Variants in FRMD3 observed in about 807,000 individuals in gnomAD.
The protein encoded by FRMD3 is FERM domain-containing protein 3.
FRMD3 carries 33 observed loss-of-function variants against 70.2 expected under a neutral mutation model. The ratio of observed to expected loss-of-function variants is 0.47; its 90% CI spans 0.36 to 0.63. FRMD3 has a LOEUF of 0.63. FRMD3 is among the 20% of genes least tolerant of loss of function. FRMD3 has a pLI of 0.00. For synonymous variants in FRMD3, 279 were observed against 255.9 expected (o/e 1.09, Z -0.86); for missense variants, 632 against 711.4 (o/e 0.89, Z 1.27).
At chr9:83,484,294 T>G (rs1056072975) in intron 1 of FRMD3, among the ~76,000 whole-genome samples, 3 of 152,232 alleles carry the variant, frequency 2.0e-5, no homozygotes, top group African/African-American at 7.2e-5. Context: ...ATACAACATA[T>G]GTACTAGAAT....
At chr9:83,341,684 A>G (rs963056430) in intron 5 of FRMD3, among the ~76,000 whole-genome samples, 1 of 152,084 alleles carries the variant, frequency 6.6e-6, no homozygotes, top group African/African-American at 2.4e-5. Context: ...CCATTACAGT[A>G]TCAACCATAG....
At chr9:83,507,558 T>A (rs28428924) in intron 1 of FRMD3, among the ~76,000 whole-genome samples, 13,595 of 146,704 alleles carry the variant, frequency 0.093, 739 homozygotes, top group African/African-American at 0.14. Flanking sequence ...TAGTCCCAGT[T>A]ACTTGGGAGG....
intron 1 of FRMD3, among the ~76,000 whole-genome samples, chr9:83,464,395 C>G (rs907727214): frequency 4.6e-5 from 7 of 152,138 alleles, no homozygotes; most frequent in African/African-American, 1.7e-4. Context: ...CCCAAGGGGG[C>G]CAGCTAGGTT....
intron 1 of FRMD3, among the ~76,000 whole-genome samples, chr9:83,507,471 T>C (rs1221820849): frequency 6.8e-6 from 1 of 146,448 alleles, no homozygotes. Flanking sequence ...ATCGAGACCA[T>C]CCTGGCTAAC....
At chr9:83,449,104 C>A (rs76455438) in intron 1 of FRMD3, among the ~76,000 whole-genome samples, 16,709 of 152,144 alleles carry the variant, frequency 0.11, 948 homozygotes, top group East Asian at 0.15. Flanking sequence ...ACTGGAGGCT[C>A]TCAGGGGCCA....
chr9:83,483,949 T>C (rs1036804386), intron 1 of FRMD3, among the ~76,000 whole-genome samples: 2 of 152,218 alleles, frequency 1.3e-5, no homozygotes, highest in African/African-American at 4.8e-5. Context: ...GAAAAGTGTT[T>C]CAAGAAAAGC....
chr9:83,370,366 A>G (rs1032651634), intron 3 of FRMD3, among the ~76,000 whole-genome samples: 1 of 152,208 alleles, frequency 6.6e-6, no homozygotes, highest in Non-Finnish European at 1.5e-5. Flanking sequence ...GACATCATCA[A>G]CAACAACAAT....
the FRMD3 span, among the ~76,000 whole-genome samples, chr9:83,582,116 C>G: frequency 3.3e-5 from 5 of 152,028 alleles, no homozygotes; most frequent in Non-Finnish European, 5.9e-5. Flanking sequence ...TCTGTCACCC[C>G]AGCTGGAGTA....
chr9:83,467,060 C>T (rs1828147221), intron 1 of FRMD3, among the ~76,000 whole-genome samples: 3 of 152,172 alleles, frequency 2.0e-5, no homozygotes, highest in Admixed American at 2.0e-4. Context: ...AGCCTTGCAT[C>T]TTAATATTGA....
chr9:83,306,718 T>TA (rs72029982), intron 10 of FRMD3, among the ~76,000 whole-genome samples: 3 of 151,884 alleles, frequency 2.0e-5, no homozygotes, highest in African/African-American at 4.8e-5. Flanking sequence ...CTTCAGGAAA[T>TA]AAAAAAAGCA....
the FRMD3 span, among the ~76,000 whole-genome samples, chr9:83,544,387 G>C: frequency 1.3e-5 from 2 of 152,122 alleles, no homozygotes; most frequent in Non-Finnish European, 2.9e-5. Context: ...GGTTATCCAA[G>C]AACAAGCCTG....
At position 83,527,511 on chromosome 9, in the gene FRMD3, G is replaced by A. The variant is rs142437065; in HGVS notation, c.147+10574C>T. Among the ~76,000 whole-genome samples, 10 of 152,200 alleles carry A rather than the reference G, an allele frequency of 6.6e-5. 1 individual carries two copies. Among genetic ancestry groups the A allele is most frequent in the East Asian group, 3.9e-4 (2 of 5,182 alleles). ...ACAAAAGGAACAGACTCCTCCACTC[G>A]AGGAACTTAACAATATTATTAGGAG... On this transcript the variant is annotated intron_variant, in intron 1 of 13. Transcript: ENST00000304195.
chr9:83,356,848 G>A (rs1824361403), intron 3 of FRMD3, among the ~76,000 whole-genome samples: 2 of 151,666 alleles, frequency 1.3e-5, no homozygotes, highest in Non-Finnish European at 2.9e-5. Flanking sequence ...TCACCCAAGT[G>A]GTATATACTG....
intron 2 of FRMD3, among the ~76,000 whole-genome samples, chr9:83,381,474 T>C (rs1048336903): frequency 6.6e-6 from 1 of 151,708 alleles, no homozygotes; most frequent in African/African-American, 2.4e-5. Flanking sequence ...GAGAATTGCT[T>C]GAACCCGGGA....
chr9:83,432,817 T>C (rs866679666), intron 1 of FRMD3, among the ~76,000 whole-genome samples: 4 of 152,266 alleles, frequency 2.6e-5, no homozygotes, highest in African/African-American at 9.6e-5. Flanking sequence ...ACAAATTATA[T>C]AGTGCTGAAG....
chr9:83,389,490 G>T (rs912893732), intron 2 of FRMD3, 114 bp downstream of exon 2: 2 of 711,898 alleles, frequency 2.8e-6, no homozygotes, highest in African/African-American at 1.7e-5. Context: ...GGTTTCATGT[G>T]CCCAATAATC....
intron 1 of FRMD3, among the ~76,000 whole-genome samples, chr9:83,399,319 T>G (rs901474724): frequency 6.6e-6 from 1 of 152,244 alleles, no homozygotes; most frequent in Non-Finnish European, 1.5e-5. Context: ...TACTGCGTAC[T>G]GTGGCTTTCA....
At chr9:83,482,850 C>A (rs1278044162) in intron 1 of FRMD3, among the ~76,000 whole-genome samples, 1 of 151,934 alleles carries the variant, frequency 6.6e-6, no homozygotes, top group Non-Finnish European at 1.5e-5. Flanking sequence ...GCCAAAGAAT[C>A]CGGGCATGAA....
rs1564096870 is a variant in FRMD3 at position 83,479,706 on chromosome 9, A to AAGAAAGAAAGAAAGAAAGAAAG, written c.147+58378_147+58379insCTTTCTTTCTTTCTTTCTTTCT. Among the ~76,000 whole-genome samples, 128 of 81,608 alleles carry AAGAAAGAAAGAAAGAAAGAAAG rather than the reference A, an allele frequency of 1.6e-3. 2 individuals carry two copies. Among genetic ancestry groups the AAGAAAGAAAGAAAGAAAGAAAG allele is most frequent in the South Asian group, 2.5e-3 (6 of 2,384 alleles). 53.5% of individuals were successfully genotyped at this position (81,608 alleles called of 152,430 possible). A position where few individuals can be genotyped will look rare whatever the true frequency, so the allele number is the denominator to read the frequency against. ...AAAGAAAGAAAGAAAGAAAGAAAGA[A>AAGAAAGAAAGAAAGAAAGAAAG]AGAAAGAAAGAAAGAAAAGAAAGGG... On this transcript the variant is annotated intron_variant, in intron 1 of 13. Transcript: ENST00000304195.
Sources: allele counts gnomAD v4.1 joint callset (sites outside exome capture counted in the v4.1 genomes callset), GRCh38; gene constraint gnomAD v4.1.1; transcripts MANE v1.5; gene names NCBI Gene and HGNC (gene_info 2026-07-23, HGNC 2026-07-21).